Variants in PRRX2 observed in about 807,000 individuals in gnomAD.
The protein encoded by PRRX2 is paired related homeobox 2.
Under a neutral mutation model 18.0 loss-of-function variants are expected in PRRX2, and 11 were observed. The ratio of observed to expected loss-of-function variants is 0.61; its 90% confidence interval spans 0.39 to 1.01. The LOEUF (loss-of-function observed/expected upper bound fraction) is 1.01, where lower values mean the gene tolerates loss of function less well. Ranked by LOEUF, PRRX2 falls within the 50% of genes least tolerant of loss-of-function variation. PRRX2 has a pLI of 0.01. For synonymous variants in PRRX2, 177 were observed against 154.8 expected (o/e 1.14, Z -1.06); for missense variants, 387 against 351.0 (o/e 1.10, Z -0.82).
At position 129,667,665 on chromosome 9, in the gene PRRX2, G is replaced by GA. The variant is rs1472956421; in HGVS notation, c.259+1540dup. ...TCTCGTACTCCAGTCCTGGCCAGGG[G>GA]ACGGCCTGCCCATTTCTGACCTACC... On this transcript the variant is annotated intron_variant, in intron 1 of 3. Transcript: ENST00000372469. Among the ~76,000 whole-genome samples, 3 of 152,090 alleles carry GA rather than the reference G, an allele frequency of 2.0e-5. No individual in the cohort carries two copies. In the East Asian group the frequency reaches 5.8e-4, roughly 29 times the overall value.
intron 1 of PRRX2, among the ~76,000 whole-genome samples, chr9:129,702,778 G>A (rs568588752): frequency 1.3e-5 from 2 of 152,268 alleles, no homozygotes; most frequent in South Asian, 2.1e-4. Flanking sequence ...CAAGCTTCCC[G>A]GGGAATTCCC....
chr9:129,711,689 A>G (rs529062607), intron 1 of PRRX2, among the ~76,000 whole-genome samples: 44 of 152,168 alleles, frequency 2.9e-4, no homozygotes, highest in African/African-American at 9.9e-4. Flanking sequence ...GATTACAGGC[A>G]TGAGCCACGG....
intron 1 of PRRX2, among the ~76,000 whole-genome samples, chr9:129,700,487 G>T (rs768129967): frequency 2.0e-5 from 3 of 152,008 alleles, no homozygotes; most frequent in Admixed American, 2.0e-4. Flanking sequence ...ATGCCACCAA[G>T]CCCGGCTAAT....
At chr9:129,707,933 A>T (rs374303689) in intron 1 of PRRX2, among the ~76,000 whole-genome samples, 1 of 152,076 alleles carries the variant, frequency 6.6e-6, no homozygotes, top group African/African-American at 2.4e-5. Flanking sequence ...CTTGTGAGCA[A>T]CTCCCAGACT....
intron 1 of PRRX2, among the ~76,000 whole-genome samples, chr9:129,714,590 T>TGA (rs917811111): frequency 5.3e-5 from 8 of 151,634 alleles, no homozygotes; most frequent in Non-Finnish European, 1.2e-4. Flanking sequence ...TGGGAAGCAG[T>TGA]GAGGACGCCA....
At chr9:129,670,148 G>A (rs1309975557) in intron 1 of PRRX2, among the ~76,000 whole-genome samples, 2 of 150,672 alleles carry the variant, frequency 1.3e-5, no homozygotes, top group Non-Finnish European at 3.0e-5. Context: ...GGGCTCACCC[G>A]TGTAGCATGC....
At chr9:129,681,736 G>T (rs545748628) in intron 1 of PRRX2, among the ~76,000 whole-genome samples, 1 of 152,090 alleles carries the variant, frequency 6.6e-6, no homozygotes, top group East Asian at 1.9e-4. Flanking sequence ...GTGAATAGTG[G>T]ATCTGAGGCT....
At chr9:129,708,010 C>G (rs1212605589) in intron 1 of PRRX2, among the ~76,000 whole-genome samples, 1 of 152,152 alleles carries the variant, frequency 6.6e-6, no homozygotes, top group Non-Finnish European at 1.5e-5. Context: ...TTCTCCACTT[C>G]CTGGCCAGCA....
Position 129,665,764 on chromosome 9 carries a change from C to T in PRRX2, c.-104C>T. 1.2e-6 allele frequency: 1 copy of T among 853,014 alleles called. No individual in the cohort carries two copies. The highest frequency in any genetic ancestry group is 1.4e-6 in the Non-Finnish European group (1 of 705,836). 52.8% of individuals were successfully genotyped at this position (853,014 alleles called of 1,614,324 possible). On this transcript the variant is annotated 5_prime_UTR_variant, in exon 1 of 4. Transcript: ENST00000372469. The surrounding 1 kb of genome is among the most constrained non-coding windows in gnomAD (Gnocchi z 5.3). ...AGGCTAGGAGGCGGCGGGAGCTGGG[C>T]AGAGCGCGGGGCGGCCGGGGCTCTC...
At chr9:129,705,982 C>A (rs560278924) in intron 1 of PRRX2, among the ~76,000 whole-genome samples, 1 of 152,076 alleles carries the variant, frequency 6.6e-6, no homozygotes, top group African/African-American at 2.4e-5. Flanking sequence ...TCACTCCTCA[C>A]CCCCTGTCAC....
intron 1 of PRRX2, among the ~76,000 whole-genome samples, chr9:129,701,301 G>A (rs561233230): frequency 6.6e-6 from 1 of 152,202 alleles, no homozygotes; most frequent in African/African-American, 2.4e-5. Context: ...CATTGACTTC[G>A]CTTCATAAAA....
intron 1 of PRRX2, among the ~76,000 whole-genome samples, chr9:129,678,285 G>A (rs1832185983): frequency 6.6e-6 from 1 of 152,034 alleles, no homozygotes; most frequent in Non-Finnish European, 1.5e-5. Flanking sequence ...TTTTTCAAGG[G>A]GCTGGTTTCT....
At chr9:129,710,995 A>T (rs1832610959) in intron 1 of PRRX2, among the ~76,000 whole-genome samples, 1 of 151,830 alleles carries the variant, frequency 6.6e-6, no homozygotes, top group Non-Finnish European at 1.5e-5. Flanking sequence ...ACACATCCTT[A>T]ATCCTCGCTG....
intron 1 of PRRX2, among the ~76,000 whole-genome samples, chr9:129,701,666 C>T (rs1472668076): frequency 6.6e-6 from 1 of 152,200 alleles, no homozygotes; most frequent in Non-Finnish European, 1.5e-5. Context: ...ATGCCCCATC[C>T]AAAACAGAAA....
In PRRX2 at chr9:129,695,254, G is replaced by A. The variant is rs144704049; in HGVS notation, c.260-23977G>A. Among the ~76,000 whole-genome samples, 1 of 152,274 alleles carries A rather than the reference G, an allele frequency of 6.6e-6. No individual in the cohort carries two copies. The highest frequency in any genetic ancestry group is 1.9e-4 in the East Asian group (1 of 5,172). On this transcript the variant is annotated intron_variant, in intron 1 of 3. Coordinates refer to ENST00000372469, the MANE Select transcript of PRRX2 (RefSeq NM_016307.4). This position sits in a 1 kb window ranked among gnomAD's most constrained non-coding sequence, Gnocchi z 4.8. ...GCCCGTAATCAACACTCCCTCCAGA[G>A]GTTTCTGGCTAAGGGGGACAGAGGA...
chr9:129,671,198 A>T lies in PRRX2; in HGVS notation c.259+5072A>T, dbSNP rs1832095658. Among the ~76,000 whole-genome samples the T allele has an allele frequency of 6.6e-6, 1 of 152,202 alleles. No homozygotes were observed. Among genetic ancestry groups the T allele is most frequent in the Non-Finnish European group, 1.5e-5 (1 of 68,030 alleles). On this transcript the variant is annotated intron_variant, in intron 1 of 3. Transcript: ENST00000372469. The surrounding 1 kb of genome is among the most constrained non-coding windows in gnomAD (Gnocchi z 4.0). ...CTGGACCCTCAGATGATCATGTCTC[A>T]GCAGGAGCCGGGGAGCAGGGAGGGA...
intron 1 of PRRX2, among the ~76,000 whole-genome samples, chr9:129,701,014 A>C (rs967306757): frequency 4.6e-5 from 7 of 152,222 alleles, no homozygotes; most frequent in African/African-American, 1.7e-4. Context: ...AACTTATGTG[A>C]AGGATTTGGG....
At position 129,709,925 on chromosome 9, in the gene PRRX2, G is replaced by T. The variant is rs1024444471; in HGVS notation, c.260-9306G>T. ...CACTCAACACTCAGCACTCAACACA[G>T]ATTGATGAGAGGTTCCCTGTGCCAG... On this transcript the variant is annotated intron_variant, in intron 1 of 3. Coordinates refer to ENST00000372469, the MANE Select transcript of PRRX2 (RefSeq NM_016307.4). The surrounding 1 kb of genome is among the most constrained non-coding windows in gnomAD (Gnocchi z 4.2). 1.3e-5 allele frequency among the ~76,000 whole-genome samples: 2 copies of T among 152,074 alleles called. No homozygotes were observed. Among genetic ancestry groups the T allele is most frequent in the African/African-American group, 4.8e-5 (2 of 41,394 alleles).
In PRRX2 at chr9:129,722,229, C is replaced by G; in HGVS notation, c.639C>G (p.Pro213=). The G allele has an allele frequency of 6.2e-7, 1 of 1,613,802 alleles. No individual in the cohort carries two copies. The highest frequency in any genetic ancestry group is 1.3e-5 in the African/African-American group (1 of 75,044). The part of the protein sequence containing the change: ...TASSPYSTVP[P]YSPGSSGPAT... ...ATGTCGCCCCCAGCACAGTGCCACCCTACAGCCCTGGGAGCTCAGGCCCCG... is the reference window on the plus strand; with the variant it reads ...ATGTCGCCCCCAGCACAGTGCCACCGTACAGCCCTGGGAGCTCAGGCCCCG... Residue 213 remains proline (P), a synonymous_variant, in exon 4 of 4, where the codon CCC becomes CCG. Coordinates refer to ENST00000372469, the MANE Select transcript of PRRX2 (RefSeq NM_016307.4).
Sources: allele counts gnomAD v4.1 joint callset (sites outside exome capture counted in the v4.1 genomes callset), GRCh38; gene constraint gnomAD v4.1.1; non-coding constraint Gnocchi (gnomAD v3.1); transcripts MANE v1.5; gene names NCBI Gene and HGNC (gene_info 2026-07-23, HGNC 2026-07-21).